Variants in SBF2 observed in about 807,000 individuals in gnomAD.
SBF2 encodes SET binding factor 2, also known as myotubularin-related protein 13.
In SBF2, 112 loss-of-function variants were observed where a neutral mutation model predicts 225.2. The ratio of observed to expected loss-of-function variants is 0.50; its 90% confidence interval spans 0.43 to 0.58. The LOEUF (loss-of-function observed/expected upper bound fraction) is 0.58. SBF2 is among the 20% of genes least tolerant of loss of function. The pLI is 0.00. For synonymous variants in SBF2, 763 were observed against 773.3 expected (o/e 0.99, Z 0.22); for missense variants, 1,996 against 2,206.2 (o/e 0.90, Z 1.91).
intron 6 of SBF2, among the ~76,000 whole-genome samples, chr11:10,007,257 T>C (rs1039690374): frequency 6.6e-6 from 1 of 152,074 alleles, no homozygotes; most frequent in Non-Finnish European, 1.5e-5. Context: ...GAAGACGCTT[T>C]CTTTTTTCTT....
intron 17 of SBF2, among the ~76,000 whole-genome samples, chr11:9,890,149 A>G (rs1860675720): frequency 6.6e-6 from 1 of 152,060 alleles, no homozygotes. Context: ...AGGTGATCCA[A>G]CTGCCTCGGC....
Position 9,847,792 on chromosome 11 carries a change from T to C in SBF2, c.2807-709A>G, listed in dbSNP as rs1217650346. ...GAAAAAAAGTAGCACACTCAAGACC[T>C]CCCTTGAAGAGCTTCCAATTTCCCG... On this transcript the variant is annotated intron_variant, in intron 22 of 39. Coordinates refer to ENST00000256190, the MANE Select transcript of SBF2 (RefSeq NM_030962.4). 2.6e-5 allele frequency among the ~76,000 whole-genome samples: 4 copies of C among 152,200 alleles called. No individual in the cohort carries two copies. In the East Asian group the frequency reaches 7.7e-4, roughly 29 times the overall value.
At chr11:10,141,585 C>T (rs1954648030) in intron 2 of SBF2, among the ~76,000 whole-genome samples, 2 of 152,162 alleles carry the variant, frequency 1.3e-5, no homozygotes, top group South Asian at 4.1e-4. Context: ...ACTAAATCAT[C>T]AAAATTATAG....
chr11:10,294,276 G>A (rs570577561), upstream of SBF2: 51 of 377,710 alleles, frequency 1.4e-4, no homozygotes, highest in East Asian at 2.1e-3. Flanking sequence ...CGCTGGCTCG[G>A]CTGCCCCAAG....
intron 6 of SBF2, among the ~76,000 whole-genome samples, chr11:10,021,505 G>A (rs1242148491): frequency 6.6e-6 from 1 of 151,816 alleles, no homozygotes; most frequent in Admixed American, 6.6e-5. Context: ...AAGAGATGAA[G>A]GCGATCAAGA....
intron 1 of SBF2, among the ~76,000 whole-genome samples, chr11:10,226,715 A>C (rs1958576237): frequency 6.6e-6 from 1 of 152,116 alleles, no homozygotes; most frequent in African/African-American, 2.4e-5. Context: ...ACATTTTCTT[A>C]ATCCAGTCTA....
At chr11:9,804,116 C>G (rs541548208) in intron 32 of SBF2, among the ~76,000 whole-genome samples, 11 of 152,120 alleles carry the variant, frequency 7.2e-5, no homozygotes, top group Non-Finnish European at 5.9e-5. Flanking sequence ...AGCAACAGAT[C>G]GGAGGTTTAT....
chr11:9,910,890 C>CAAAAAAAAAAA (rs68011518), intron 16 of SBF2, among the ~76,000 whole-genome samples: 22 of 93,402 alleles, frequency 2.4e-4, no homozygotes, highest in East Asian at 6.0e-4. Context: ...TACTAAAATA[C>CAAAAAAAAAAA]AAAAAAAAAA....
chr11:10,167,621 T>C (rs1476177337), intron 2 of SBF2, among the ~76,000 whole-genome samples: 2 of 152,110 alleles, frequency 1.3e-5, no homozygotes, highest in East Asian at 3.9e-4. Flanking sequence ...TGCTTGGTAA[T>C]ATAGGAAATA....
At chr11:9,851,410 T>G (rs1012286252) in intron 21 of SBF2, among the ~76,000 whole-genome samples, 2 of 152,194 alleles carry the variant, frequency 1.3e-5, no homozygotes, top group African/African-American at 2.4e-5. Flanking sequence ...TGAAATTATT[T>G]GCACATTATT....
rs532509760 is a variant in SBF2 at position 9,865,370 on chromosome 11, T to C, written c.1930-6974A>G. On this transcript the variant is annotated intron_variant, in intron 17 of 39. Transcript: ENST00000256190. ...ACAACAATCTTATGACCCACTGAGATAAGTACCATTATTTCTCCTGTTTAA... is the reference window on the plus strand; with the variant it reads ...ACAACAATCTTATGACCCACTGAGACAAGTACCATTATTTCTCCTGTTTAA... Among the ~76,000 whole-genome samples the C allele has an allele frequency of 3.9e-5, 6 of 152,228 alleles. No homozygotes were observed. The South Asian group carries it at 1.2e-3, about 32-fold the overall frequency.
At chr11:9,839,106 C>T in intron 26 of SBF2, 1 of 294,514 alleles carries the variant, frequency 3.4e-6, no homozygotes. Flanking sequence ...GGCTCATAAA[C>T]TGAAAATATT....
At chr11:10,288,717 A>T (rs144053201) in intron 1 of SBF2, among the ~76,000 whole-genome samples, 48 of 152,216 alleles carry the variant, frequency 3.2e-4, no homozygotes, top group African/African-American at 1.1e-3. Flanking sequence ...TCATCTCTGC[A>T]TCTATCAGCA....
intron 2 of SBF2, among the ~76,000 whole-genome samples, chr11:10,162,493 T>C (rs1047866298): frequency 9.2e-5 from 14 of 152,328 alleles, no homozygotes; most frequent in Admixed American, 9.2e-4. Context: ...GAGCAGCAAC[T>C]AAAATAGCAT....
chr11:10,035,130 A>ACC, intron 3 of SBF2, among the ~76,000 whole-genome samples: 1 of 151,990 alleles, frequency 6.6e-6, no homozygotes, highest in Non-Finnish European at 1.5e-5. Context: ...ACGCCTGGCT[A>ACC]ATTTTTTCTT....
intron 16 of SBF2, among the ~76,000 whole-genome samples, chr11:9,896,340 T>TA (rs1335262974): frequency 1.3e-5 from 2 of 152,212 alleles, no homozygotes; most frequent in African/African-American, 4.8e-5. Context: ...TTGTGTAACT[T>TA]ACACAAATTT....
intron 13 of SBF2, among the ~76,000 whole-genome samples, chr11:9,970,363 G>A (rs192179924): frequency 4.0e-5 from 6 of 151,876 alleles, no homozygotes; most frequent in Non-Finnish European, 8.8e-5. Flanking sequence ...CCACCACCAC[G>A]CCCGGCTAAT....
chr11:10,236,460 CTTTT>C (rs377513291), intron 1 of SBF2, among the ~76,000 whole-genome samples: 1,616 of 151,400 alleles, frequency 0.011, 32 homozygotes, highest in African/African-American at 0.037. Flanking sequence ...GAGTCCGTCT[CTTTT>C]TTTTTGTTTT....
chr11:10,142,674 T>G (rs1011786261), intron 2 of SBF2, among the ~76,000 whole-genome samples: 2 of 152,216 alleles, frequency 1.3e-5, no homozygotes, highest in African/African-American at 4.8e-5. Flanking sequence ...ATAAAACTTG[T>G]GAAGTCACCA....
Sources: gnomAD v4.1 joint callset for allele counts (sites outside exome capture counted in the v4.1 genomes callset) on GRCh38, gnomAD v4.1.1 for gene constraint, MANE v1.5 for transcripts, NCBI Gene and HGNC (gene_info 2026-07-23, HGNC 2026-07-21) for gene names.